The following GRIK5 variants were observed in gnomAD, a reference collection of about 807,000 sequenced individuals.
The protein encoded by GRIK5 is glutamate receptor ionotropic, kainate 5.
GRIK5 carries 43 observed loss-of-function variants against 97.4 expected under a neutral mutation model. The observed-to-expected ratio is 0.44, with a 90% CI of 0.35 to 0.57. The LOEUF (loss-of-function observed/expected upper bound fraction) is 0.57. Among genes scored for constraint, GRIK5 ranks in the 20% least tolerant of loss-of-function variants. The pLI, the probability that GRIK5 is intolerant of heterozygous loss-of-function variation, is 0.01. For missense variants in GRIK5, 1,015 were observed against 1,382.0 expected, an observed-to-expected ratio of 0.73 and a Z score of 4.21; for synonymous variants, 580 against 583.5, an observed-to-expected ratio of 0.99 and a Z score of 0.09.
chr19:42,056,860 G>A (rs747080132), intron 7 of GRIK5, 37 bp from the exon 8 acceptor site: 1 of 1,613,502 alleles, frequency 6.2e-7, no homozygotes, highest in South Asian at 1.1e-5. Flanking sequence ...CTGGGGCTAA[G>A]CCCTAATGGG....
intron 3 of GRIK5, chr19:42,063,169 G>C (rs1030477773): frequency 1.0e-5 from 5 of 491,264 alleles, no homozygotes; most frequent in African/African-American, 9.7e-5. Context: ...TAGTCCCTCA[G>C]CCACTGTTGT....
At chr19:42,033,029 A>G (rs930212952) in intron 12 of GRIK5, among the ~76,000 whole-genome samples, 22 of 152,352 alleles carry the variant, frequency 1.4e-4, no homozygotes, top group African/African-American at 5.3e-4. Flanking sequence ...AGCCATAAAA[A>G]GGAATGCAGG....
Position 42,062,827 on chromosome 19 carries a change from C to T in GRIK5, c.273G>A (p.Val91=), listed in dbSNP as rs909202389. The change falls in exon 4 of 20, where the codon GTG becomes GTA. Residue 91 remains valine, a synonymous_variant. Coordinates refer to ENST00000593562, the MANE Select transcript of GRIK5 (RefSeq NM_002088.5). The surrounding 1 kb of genome is among the most constrained non-coding windows in gnomAD (Gnocchi z 5.3). ...GGCTAGAGGAGGGCCCAAGGACAGA[C>T]ACAACCCCTTTGGGTAAGATCTGAC... is the stretch of plus-strand genomic sequence containing the variant. ...TMCQILPKGV[V]SVLGPSSSPA... 8.6e-5 allele frequency: 139 copies of T among 1,613,844 alleles called. No individual in the cohort carries two copies. Among genetic ancestry groups the T allele is most frequent in the Non-Finnish European group, 1.1e-4 (126 of 1,179,828 alleles).
chr19:42,039,499 T>C (rs1428006326), intron 12 of GRIK5, among the ~76,000 whole-genome samples: 1 of 151,614 alleles, frequency 6.6e-6, no homozygotes, highest in African/African-American at 2.4e-5. Context: ...AAAACAAAAC[T>C]CTTCAAGGGC....
Position 42,021,234 on chromosome 19 carries a change from A to G in GRIK5, c.1871+67T>C. The G allele has an allele frequency of 7.6e-7, 1 of 1,320,532 alleles. No homozygotes were observed. Among genetic ancestry groups the G allele is most frequent in the Non-Finnish European group, 1.1e-6 (1 of 949,010 alleles). 81.8% of individuals were successfully genotyped at this position (1,320,532 alleles called of 1,614,324 possible). On this transcript the variant is annotated intron_variant, in intron 15 of 19. Coordinates refer to ENST00000593562, the MANE Select transcript of GRIK5 (RefSeq NM_002088.5). The surrounding 1 kb of genome is among the most constrained non-coding windows in gnomAD (Gnocchi z 4.2). ...ATCTTCCAGGAGATGCCACAGCCCC[A>G]ACCCCATCCAGGCCTCAGATGGGTC... is the stretch of plus-strand genomic sequence containing the variant.
In GRIK5 at chr19:42,015,307, A is replaced by G. The variant is rs531428122; in HGVS notation, c.1871+5994T>C. ...TAACATGATCAACCTACTGGCCCCA[A>G]TGGACCCTTATAGAACACTGCACCA... On this transcript the variant is annotated intron_variant, in intron 15 of 19. Transcript: ENST00000593562. Among the ~76,000 whole-genome samples the G allele has an allele frequency of 1.9e-3, 284 of 152,300 alleles. 1 individual carries two copies. Among genetic ancestry groups the G allele is most frequent in the Non-Finnish European group, 3.5e-3 (241 of 68,016 alleles).
intron 12 of GRIK5, among the ~76,000 whole-genome samples, chr19:42,025,906 T>C (rs1327397141): frequency 6.6e-6 from 1 of 152,166 alleles, no homozygotes; most frequent in Non-Finnish European, 1.5e-5. Context: ...AGCCAAAAGT[T>C]CAAGATCAGC....
chr19:42,007,492 A>G (rs1283640031), intron 15 of GRIK5, among the ~76,000 whole-genome samples: 1 of 152,176 alleles, frequency 6.6e-6, no homozygotes, highest in Non-Finnish European at 1.5e-5. Flanking sequence ...GCTTGGCTGG[A>G]TTTAATTTAT....
chr19:42,050,091 A>G (rs1022925589), intron 11 of GRIK5, among the ~76,000 whole-genome samples: 51 of 152,080 alleles, frequency 3.4e-4, no homozygotes, highest in Non-Finnish European at 5.0e-4. Context: ...CACCACGCCC[A>G]GCTAATTTTT....
chr19:42,029,910 C>G (rs1379808060), intron 12 of GRIK5, among the ~76,000 whole-genome samples: 2 of 152,172 alleles, frequency 1.3e-5, no homozygotes, highest in East Asian at 3.9e-4. Context: ...AACAGCACCC[C>G]CTCCTCAGCA....
intron 15 of GRIK5, among the ~76,000 whole-genome samples, chr19:42,020,106 T>G (rs986603297): frequency 5.3e-5 from 8 of 151,606 alleles, no homozygotes; most frequent in African/African-American, 1.5e-4. Context: ...CTCTACAGGG[T>G]TATAATTTGA....
chr19:42,054,273 G>A (rs1160325883), intron 9 of GRIK5, 47 bp downstream of exon 9: 7 of 1,575,086 alleles, frequency 4.4e-6, no homozygotes, highest in Middle Eastern at 1.7e-4. Context: ...GCTCCCACCT[G>A]AGGTGGCCGT....
intron 12 of GRIK5, among the ~76,000 whole-genome samples, chr19:42,035,209 A>C (rs544205568): frequency 1.0e-3 from 153 of 151,646 alleles, no homozygotes; most frequent in Non-Finnish European, 1.9e-3. Context: ...TCGAATTCCC[A>C]ACCTCAGGTG....
At chr19:42,013,371 A>G (rs1030729722) in intron 15 of GRIK5, among the ~76,000 whole-genome samples, 7 of 150,486 alleles carry the variant, frequency 4.7e-5, no homozygotes, top group African/African-American at 1.7e-4. Flanking sequence ...ATAAAGATAA[A>G]TATTTAAAAA....
Position 42,002,179 on chromosome 19 carries a change from T to C in GRIK5, c.2514+1153A>G, listed in dbSNP as rs1555871039. 4.2e-6 allele frequency: 3 copies of C among 717,276 alleles called. No homozygotes were observed. The highest frequency in any genetic ancestry group is 7.8e-6 in the Non-Finnish European group (3 of 385,092). The allele number at this position is 717,276 out of a possible 1,614,324, so 44.4% of individuals were successfully genotyped here. ...GGAGTGGCAGGGACCGATGCCAGAC[T>C]GGAGTGGGGGGCAAGAGGAAATGGG... On this transcript the variant is annotated intron_variant, in intron 19 of 19. Coordinates refer to ENST00000593562, the MANE Select transcript of GRIK5 (RefSeq NM_002088.5). This position sits in a 1 kb window ranked among gnomAD's most constrained non-coding sequence, Gnocchi z 5.2.
chr19:42,058,550 G>C (rs373078009), intron 6 of GRIK5, among the ~76,000 whole-genome samples: 1 of 150,108 alleles, frequency 6.7e-6, no homozygotes, highest in African/African-American at 2.4e-5. Flanking sequence ...GTTATTGGCC[G>C]GGTGTGGTGG....
At position 42,059,417 on chromosome 19, in the gene GRIK5, G is replaced by A; in HGVS notation, c.619C>T (p.Arg207Cys). Residue 207 changes from arginine (R) to cysteine (C), a missense_variant, in exon 6 of 20, where the codon CGT becomes TGT. Arg to Cys is a radical substitution (Grantham distance 180, BLOSUM62 -3). Transcript: ENST00000593562. ...RDPTPLLKEI[R>C]DDKVSTIIID... The stretch of plus-strand genomic sequence containing the variant: ...ATGATGGTGGACACCTTGTCATCAC[G>A]GATCTCCTTGAGCAGTGGTGTGGGG... 3.7e-6 allele frequency: 6 copies of A among 1,613,842 alleles called. No homozygotes were observed. Among genetic ancestry groups the A allele is most frequent in the Non-Finnish European group, 5.1e-6 (6 of 1,179,824 alleles).
In GRIK5 at chr19:42,022,627, G is replaced by A; in HGVS notation, c.1474-273C>T. 1.0e-6 allele frequency: 1 copy of A among 985,102 alleles called. No individual in the cohort carries two copies. The highest frequency in any genetic ancestry group is 4.7e-5 in the South Asian group (1 of 21,264). The allele number at this position is 985,102 out of a possible 1,614,324, so 61.0% of individuals were successfully genotyped here. A position where few individuals can be genotyped will look rare whatever the true frequency, so the allele number is the denominator to read the frequency against. ...AACTGTGTCCCAGCATCAAGGGCTG[G>A]GGATGGAGGGGTTCCCCAAACTCCA... On this transcript the variant is annotated intron_variant, in intron 12 of 19. Transcript: ENST00000593562. This position sits in a 1 kb window ranked among gnomAD's most constrained non-coding sequence, Gnocchi z 4.2.
Position 42,046,004 on chromosome 19 carries a change from G to A in GRIK5, c.1270-3249C>T, listed in dbSNP as rs565532466. 7.2e-5 allele frequency among the ~76,000 whole-genome samples: 11 copies of A among 152,310 alleles called. No individual in the cohort carries two copies. The South Asian group carries it at 2.3e-3, about 32-fold the overall frequency. ...ACCCAGGTTGGGTATCAAAGCTGGA[G>A]AATCAGAAACTGAGAATCCTAGAGA... On this transcript the variant is annotated intron_variant, in intron 11 of 19. Coordinates refer to ENST00000593562, the MANE Select transcript of GRIK5 (RefSeq NM_002088.5).
Sources: gnomAD v4.1 joint callset for allele counts (sites outside exome capture counted in the v4.1 genomes callset) on GRCh38, gnomAD v4.1.1 for gene constraint, Gnocchi (gnomAD v3.1) non-coding constraint, MANE v1.5 for transcripts, NCBI Gene and HGNC (gene_info 2026-07-23, HGNC 2026-07-21) for gene names.